The following CDKN1A variants were observed in gnomAD, a reference collection of about 807,000 sequenced individuals.
The protein encoded by CDKN1A is cyclin-dependent kinase inhibitor 1.
A neutral mutation model predicts 14.8 loss-of-function variants in CDKN1A; 14 were observed. The observed-to-expected ratio is 0.94, with a 90% CI of 0.62 to 1.48. CDKN1A has a LOEUF of 1.48. Among genes scored for constraint, CDKN1A ranks in the 40% most tolerant of loss-of-function variants. CDKN1A has a pLI of 0.00. For missense variants in CDKN1A, 203 were observed against 231.7 expected (o/e 0.88, Z 0.80); for synonymous variants, 92 against 93.5 (o/e 0.98, Z 0.09).
intron 1 of CDKN1A, among the ~76,000 whole-genome samples, chr6:36,680,307 CGTGTGTGTGTGT>C (rs59454180): frequency 4.5e-5 from 6 of 133,188 alleles, no homozygotes; most frequent in African/African-American, 8.6e-5. Context: ...TCTGCGCGGG[CGTGTGTGTGTGT>C]GTGTGTGTGT....
At chr6:36,679,728 G>A (rs568995125) in intron 1 of CDKN1A, among the ~76,000 whole-genome samples, 15 of 152,338 alleles carry the variant, frequency 9.8e-5, no homozygotes, top group African/African-American at 3.6e-4. Context: ...GGAAGGGCAA[G>A]GGTCTCCTCT....
At chr6:36,676,849 G>A (rs4647889), upstream of CDKN1A, among the ~76,000 whole-genome samples, 39 of 152,038 alleles carry the variant, frequency 2.6e-4, no homozygotes, top group African/African-American at 9.2e-4. Context: ...ATTGAATGTC[G>A]TGGTGGTGGT....
upstream of CDKN1A, chr6:36,677,834 G>T (rs766987091): frequency 2.9e-5 from 40 of 1,355,954 alleles, no homozygotes; most frequent in Non-Finnish European, 3.7e-5. Context: ...GTGTATACGG[G>T]CTATGTGGGG....
At chr6:36,683,986 G>T in intron 1 of CDKN1A, 111 bp from the exon 2 acceptor site, 1 of 1,041,142 alleles carries the variant, frequency 9.6e-7, no homozygotes. Flanking sequence ...AGGAGTGAGA[G>T]AGACCCTCTG....
intron 1 of CDKN1A, among the ~76,000 whole-genome samples, chr6:36,679,732 C>T (rs765794760): frequency 6.6e-6 from 1 of 152,172 alleles, no homozygotes; most frequent in East Asian, 1.9e-4. Context: ...GGGCAAGGGT[C>T]TCCTCTACCT....
At chr6:36,680,426 T>C (rs1362730887) in intron 1 of CDKN1A, 1 of 151,790 alleles carries the variant, frequency 6.6e-6, no homozygotes, top group Non-Finnish European at 1.5e-5. Flanking sequence ...CAGCGTGACG[T>C]GTTCGCGGCC....
chr6:36,685,668 G>GC, intron 2 of CDKN1A, 83 bp from the exon 3 acceptor site: 3 of 1,416,406 alleles, frequency 2.1e-6, no homozygotes, highest in Non-Finnish European at 2.0e-6. Context: ...GGGTGTCCTG[G>GC]CCCCCCACTG....
intron 1 of CDKN1A, among the ~76,000 whole-genome samples, chr6:36,683,850 C>G (rs930443595): frequency 2.5e-4 from 38 of 152,210 alleles, no homozygotes; most frequent in African/African-American, 8.9e-4. Context: ...AATAGACTTG[C>G]CTTTGTTGAC....
intron 1 of CDKN1A, chr6:36,679,085 C>A: frequency 2.7e-6 from 2 of 728,726 alleles, no homozygotes; most frequent in African/African-American, 1.9e-5. Context: ...CGCTCCCCGC[C>A]CCTGGAAACC....
At chr6:36,681,425 T>TTCTC (rs1554185419) in intron 1 of CDKN1A, among the ~76,000 whole-genome samples, 3 of 144,056 alleles carry the variant, frequency 2.1e-5, no homozygotes, top group African/African-American at 7.8e-5. Flanking sequence ...CTTTCTCTCT[T>TTCTC]TCTTTCTCTT....
In CDKN1A at chr6:36,681,080, A is replaced by G. The variant is rs186875194; in HGVS notation, c.-6+2282A>G. 1.3e-3 allele frequency among the ~76,000 whole-genome samples: 197 copies of G among 152,236 alleles called. 3 individuals are homozygous for G. The highest frequency in any genetic ancestry group is 3.5e-3 in the Admixed American group (53 of 15,300). ...AGGCGGGCGCCTCCTCCTTGTGCCT[A>G]TGATGTATTGAGACCCAGAATGTCC... On this transcript the variant is annotated intron_variant, in intron 1 of 2. Transcript: ENST00000244741.
Position 36,684,864 on chromosome 6 carries a change from C to G in CDKN1A, c.445+318C>G, listed in dbSNP as rs1762148055. ...TTTCTTTTTGAGACAGGTGTCTTAACTCTGTTGGCCAGACTGGAGTGCAGT... is the reference window on the plus strand; with the variant it reads ...TTTCTTTTTGAGACAGGTGTCTTAAGTCTGTTGGCCAGACTGGAGTGCAGT... On this transcript the variant is annotated intron_variant, in intron 2 of 2. Coordinates refer to ENST00000244741, the MANE Select transcript of CDKN1A (RefSeq NM_000389.5). The surrounding 1 kb of genome is among the most constrained non-coding windows in gnomAD (Gnocchi z 6.0). 6.6e-6 allele frequency among the ~76,000 whole-genome samples: 1 copy of G among 152,182 alleles called. No individual in the cohort carries two copies. Among genetic ancestry groups the G allele is most frequent in the Admixed American group, 6.5e-5 (1 of 15,280 alleles).
rs185976780 is a variant in CDKN1A, at chr6:36,687,099, T to C, written c.*1299T>C. Reference sequence around the variant, plus strand: ...TGAGCCCCTGGAGGCACTGAAGTGCTTAGTGTACTTGGAGTATTGGGGTCT... The same window carrying C: ...TGAGCCCCTGGAGGCACTGAAGTGCCTAGTGTACTTGGAGTATTGGGGTCT... On this transcript the variant is annotated 3_prime_UTR_variant, in exon 3 of 3. Transcript: ENST00000244741. 44 of 233,338 alleles carry C rather than the reference T, an allele frequency of 1.9e-4. No individual in the cohort carries two copies. The highest frequency in any genetic ancestry group is 9.2e-4 in the African/African-American group (42 of 45,438). 14.5% of individuals were successfully genotyped at this position (233,338 alleles called of 1,614,324 possible).
Position 36,686,439 on chromosome 6 carries a change from G to A in CDKN1A, c.*639G>A, listed in dbSNP as rs367706888. 8 of 239,960 alleles carry A rather than the reference G, an allele frequency of 3.3e-5. No individual in the cohort carries two copies. The highest frequency in any genetic ancestry group is 1.8e-4 in the African/African-American group (8 of 45,510). The allele number at this position is 239,960 out of a possible 1,614,324, so 14.9% of individuals were successfully genotyped here. On this transcript the variant is annotated 3_prime_UTR_variant, in exon 3 of 3. Transcript: ENST00000244741. The surrounding 1 kb of genome is among the most constrained non-coding windows in gnomAD (Gnocchi z 4.9). ...CCCCTCTGTCTTGTGAAGGCAGGGG[G>A]AAGGTGGGGTCCTGGAGCAGACCAC... is the stretch of plus-strand genomic sequence containing the variant.
chr6:36,685,108 G>C (rs1324287324), intron 2 of CDKN1A, among the ~76,000 whole-genome samples: 1 of 152,200 alleles, frequency 6.6e-6, no homozygotes, highest in Non-Finnish European at 1.5e-5. Context: ...CCAAAGTGTT[G>C]TGATTACAGG....
intron 1 of CDKN1A, chr6:36,680,720 T>A (rs1038152288): frequency 4.6e-5 from 7 of 152,256 alleles, no homozygotes; most frequent in South Asian, 4.1e-4. Context: ...GATCAACCCC[T>A]ATGCCATTAC....
At chr6:36,679,263 G>T (rs1761815293) in intron 1 of CDKN1A, among the ~76,000 whole-genome samples, 1 of 152,234 alleles carries the variant, frequency 6.6e-6, no homozygotes, top group Non-Finnish European at 1.5e-5. Flanking sequence ...GTTCGTCTAG[G>T]ATCGGTCCCG....
At chr6:36,681,361 T>TTTTCTTTCTTTC (rs377657015) in intron 1 of CDKN1A, among the ~76,000 whole-genome samples, 1,748 of 55,884 alleles carry the variant, frequency 0.031, 87 homozygotes, top group East Asian at 0.045. Context: ...TTTTTCTTTC[T>TTTTCTTTCTTTC]TTTCTTTCTT....
chr6:36,681,402 TTTCTTC>T (rs1301841296), intron 1 of CDKN1A, among the ~76,000 whole-genome samples: 9 of 105,474 alleles, frequency 8.5e-5, no homozygotes, highest in East Asian at 3.1e-4. Context: ...TCTTTCTTTC[TTTCTTC>T]CTTTCTCTTT....
Sources: gnomAD v4.1 joint callset for allele counts (sites outside exome capture counted in the v4.1 genomes callset) on GRCh38, gnomAD v4.1.1 for gene constraint, Gnocchi (gnomAD v3.1) non-coding constraint, MANE v1.5 for transcripts, NCBI Gene and HGNC (gene_info 2026-07-23, HGNC 2026-07-21) for gene names.